FAM114A1: variants seen among roughly 807,000 people sequenced by gnomAD.
FAM114A1 encodes the protein protein NOXP20.
A neutral mutation model predicts 64.3 loss-of-function variants in FAM114A1; 62 were observed. The ratio of observed to expected loss-of-function variants is 0.96; its 90% CI spans 0.79 to 1.19. The LOEUF (loss-of-function observed/expected upper bound fraction) is 1.19, where lower values mean the gene tolerates loss of function less well. Ranked by LOEUF, FAM114A1 falls within the 50% of genes most tolerant of loss-of-function variation. The probability of loss-of-function intolerance (pLI) is 0.00; values close to 1 mark genes in which losing one functional copy is unlikely to be tolerated. For synonymous variants in FAM114A1, 254 were observed against 251.1 expected, an observed-to-expected ratio of 1.01 and a Z score of -0.11; for missense variants, 645 against 676.3, an observed-to-expected ratio of 0.95 and a Z score of 0.51.
At chr4:38,872,071 C>T (rs928366502) in intron 2 of FAM114A1, among the ~76,000 whole-genome samples, 1 of 152,236 alleles carries the variant, frequency 6.6e-6, no homozygotes, top group Non-Finnish European at 1.5e-5. Flanking sequence ...AGGCATCTTT[C>T]ATGTCACCAG....
At chr4:38,886,014 G>A (rs1034262556) in intron 3 of FAM114A1, among the ~76,000 whole-genome samples, 10 of 152,136 alleles carry the variant, frequency 6.6e-5, no homozygotes, top group Non-Finnish European at 1.5e-4. Context: ...GGATGCTACC[G>A]AGAGGTCAAG....
chr4:38,939,140 T>G (rs1013791670), intron 13 of FAM114A1, among the ~76,000 whole-genome samples: 4 of 152,232 alleles, frequency 2.6e-5, no homozygotes, highest in Non-Finnish European at 5.9e-5. Flanking sequence ...GTAGCAAGGC[T>G]GTGGCAGATG....
intron 4 of FAM114A1, among the ~76,000 whole-genome samples, chr4:38,901,569 G>A (rs559198061): frequency 6.6e-6 from 1 of 152,308 alleles, no homozygotes; most frequent in Non-Finnish European, 1.5e-5. Flanking sequence ...TGGGATTACA[G>A]GCATGAGCCA....
intron 8 of FAM114A1, among the ~76,000 whole-genome samples, chr4:38,918,655 T>C (rs1281211317): frequency 6.6e-6 from 1 of 152,178 alleles, no homozygotes; most frequent in African/African-American, 2.4e-5. Context: ...ATACCAAGTA[T>C]TTAAAAGTTA....
At chr4:38,934,338 C>A (rs1720903461) in intron 12 of FAM114A1, among the ~76,000 whole-genome samples, 1 of 152,182 alleles carries the variant, frequency 6.6e-6, no homozygotes, top group Non-Finnish European at 1.5e-5. Context: ...AGAACATAGA[C>A]TGAATGGCTC....
intron 8 of FAM114A1, among the ~76,000 whole-genome samples, chr4:38,916,063 T>C (rs1719025627): frequency 6.6e-6 from 1 of 152,134 alleles, no homozygotes; most frequent in Non-Finnish European, 1.5e-5. Context: ...AGTTTTTGAC[T>C]CTCCCTAGAC....
rs373354687 is a variant in FAM114A1 at position 38,919,227 on chromosome 4, C to T, written c.946-3543C>T. 1.3e-4 allele frequency among the ~76,000 whole-genome samples: 20 copies of T among 152,270 alleles called. No homozygotes were observed. The East Asian group carries it at 1.9e-3, about 15-fold the overall frequency. On this transcript the variant is annotated intron_variant, in intron 8 of 14. Transcript: ENST00000358869. ...AAGAAAATGTATTCCATCCTCTTAACTTGACAAACATACTTGTATAATGAC... is the reference window on the plus strand; with the variant it reads ...AAGAAAATGTATTCCATCCTCTTAATTTGACAAACATACTTGTATAATGAC...
At chr4:38,922,682 T>C (rs1719715972) in intron 8 of FAM114A1, 88 bp from the exon 9 acceptor site, 1 of 1,495,838 alleles carries the variant, frequency 6.7e-7, no homozygotes, top group Admixed American at 2.3e-5. Flanking sequence ...GAATCACTTT[T>C]GTCCTGGGAA....
chr4:38,935,652 G>C, intron 12 of FAM114A1, 66 bp from the exon 13 acceptor site: 1 of 1,132,808 alleles, frequency 8.8e-7, no homozygotes, highest in East Asian at 2.4e-5. Flanking sequence ...ATCAGAAATG[G>C]TCGTGACAGT....
At chr4:38,943,090 G>A (rs1721694784) in intron 14 of FAM114A1, among the ~76,000 whole-genome samples, 1 of 151,904 alleles carries the variant, frequency 6.6e-6, no homozygotes, top group Non-Finnish European at 1.5e-5. Context: ...CTACTCGAGA[G>A]GCTGAAGCAG....
chr4:38,907,249 G>T (rs1242747072), intron 6 of FAM114A1, among the ~76,000 whole-genome samples: 1 of 152,176 alleles, frequency 6.6e-6, no homozygotes, highest in African/African-American at 2.4e-5. Flanking sequence ...CCCGTGGGGG[G>T]TTTGTAGGAT....
chr4:38,942,014 C>T (rs1721615690), intron 14 of FAM114A1, among the ~76,000 whole-genome samples: 1 of 152,188 alleles, frequency 6.6e-6, no homozygotes, highest in Non-Finnish European at 1.5e-5. Context: ...AGGCACATCT[C>T]ACATGGCTGC....
intron 3 of FAM114A1, among the ~76,000 whole-genome samples, chr4:38,878,656 C>T (rs1386729520): frequency 6.6e-6 from 1 of 152,204 alleles, no homozygotes; most frequent in Non-Finnish European, 1.5e-5. Context: ...AATTATCAGA[C>T]ACAAGCCGTG....
intron 6 of FAM114A1, 125 bp downstream of exon 6, chr4:38,905,986 G>GT (rs372618216): frequency 0.043 from 25,577 of 588,970 alleles, 2 homozygotes; most frequent in South Asian, 0.064. Flanking sequence ...TTGGATTATG[G>GT]TTTTTTTTTT....
In FAM114A1 at chr4:38,936,899, G is replaced by GA. The variant is rs540001412; in HGVS notation, c.1536+1116dup. ...TTGTGGCACTTGACTTTAACCAAAA[G>GA]AAAAAAATGTTACTGATTGGCTCAA... On this transcript the variant is annotated intron_variant, in intron 13 of 14. Transcript: ENST00000358869. Among the ~76,000 whole-genome samples the GA allele has an allele frequency of 1.2e-4, 18 of 152,120 alleles. No individual in the cohort carries two copies. In the South Asian group the frequency reaches 2.7e-3, roughly 23 times the overall value.
Position 38,943,824 on chromosome 4 carries a change from A to C in FAM114A1, c.*267A>C. ...TATTGAAAATTTCCTTTCATCTGAA[A>C]TTTATTTACAAATATTCGTGTTCAT... On this transcript the variant is annotated 3_prime_UTR_variant, in exon 15 of 15. Transcript: ENST00000358869. 1 of 311,026 alleles carries C rather than the reference A, an allele frequency of 3.2e-6. No homozygotes were observed. Among genetic ancestry groups the C allele is most frequent in the Non-Finnish European group, 6.1e-6 (1 of 162,876 alleles). The allele number at this position is 311,026 out of a possible 1,614,324, so 19.3% of individuals were successfully genotyped here. A position where few individuals can be genotyped will look rare whatever the true frequency, so the allele number is the denominator to read the frequency against.
At chr4:38,900,085 C>T (rs1262845763) in intron 4 of FAM114A1, among the ~76,000 whole-genome samples, 1 of 152,002 alleles carries the variant, frequency 6.6e-6, no homozygotes, top group Non-Finnish European at 1.5e-5. Flanking sequence ...TAAATCTGCA[C>T]ATGAAAACAT....
intron 4 of FAM114A1, among the ~76,000 whole-genome samples, chr4:38,893,474 C>G (rs1209207232): frequency 6.6e-6 from 1 of 152,180 alleles, no homozygotes; most frequent in Non-Finnish European, 1.5e-5. Flanking sequence ...AGGACTTACT[C>G]TTTCATTAAA....
chr4:38,903,147 A>T (rs1469011938), intron 4 of FAM114A1, among the ~76,000 whole-genome samples: 1 of 152,206 alleles, frequency 6.6e-6, no homozygotes, highest in East Asian at 1.9e-4. Context: ...ACAGCAGCCT[A>T]TTTTGATGTC....
Sources: allele counts gnomAD v4.1 joint callset (sites outside exome capture counted in the v4.1 genomes callset), GRCh38; gene constraint gnomAD v4.1.1; transcripts MANE v1.5; gene names NCBI Gene and HGNC (gene_info 2026-07-23, HGNC 2026-07-21).